DPP10: variants seen among roughly 807,000 people sequenced by gnomAD.
DPP10 encodes the protein inactive dipeptidyl peptidase 10.
Under a neutral mutation model 120.9 loss-of-function variants are expected in DPP10, and 33 were observed. That is an observed-to-expected ratio of 0.27 (90% CI 0.21 to 0.37). The LOEUF is 0.37. DPP10 is among the 10% of genes least tolerant of loss of function. The pLI is 1.00. For synonymous variants in DPP10, 337 were observed against 326.1 expected (o/e 1.03, Z -0.36); for missense variants, 816 against 942.8 (o/e 0.87, Z 1.76).
rs936976237 is a variant in DPP10, at chr2:115,843,426, T to A, written c.*1081T>A. On this transcript the variant is annotated 3_prime_UTR_variant, in exon 26 of 26. Coordinates refer to ENST00000410059, the MANE Select transcript of DPP10 (RefSeq NM_020868.6). The stretch of plus-strand genomic sequence containing the variant: ...CTTTCTCTCAGTGCAGAATCAATTC[T>A]CATTTTCATCGTAAAAGCAAATAGC... The A allele has an allele frequency of 6.6e-6, 1 of 152,576 alleles. No individual in the cohort carries two copies. The highest frequency in any genetic ancestry group is 1.5e-5 in the Non-Finnish European group (1 of 68,030). The allele number at this position is 152,576 out of a possible 1,614,324, so 9.5% of individuals were successfully genotyped here. A position where few individuals can be genotyped will look rare whatever the true frequency, so the allele number is the denominator to read the frequency against.
chr2:115,136,320 T>A (rs576193995), intron 1 of DPP10, among the ~76,000 whole-genome samples: 1 of 152,196 alleles, frequency 6.6e-6, no homozygotes, highest in Admixed American at 6.5e-5. Context: ...CGCACCTGTG[T>A]GTGTCCTGTC....
intron 5 of DPP10, among the ~76,000 whole-genome samples, chr2:115,559,961 G>C (rs988681440): frequency 3.3e-5 from 5 of 151,914 alleles, no homozygotes; most frequent in Non-Finnish European, 7.4e-5. Context: ...CTCTAACTGT[G>C]GGTACTTACA....
chr2:115,140,937 A>AC (rs938114288), intron 1 of DPP10, among the ~76,000 whole-genome samples: 2 of 151,688 alleles, frequency 1.3e-5, no homozygotes, highest in Admixed American at 6.6e-5. Context: ...AAAAAAAAAA[A>AC]AAAACTAAAG....
chr2:114,447,794 A>G (rs1678027398), intron 1 of DPP10, among the ~76,000 whole-genome samples: 1 of 152,220 alleles, frequency 6.6e-6, no homozygotes, highest in Admixed American at 6.5e-5. Flanking sequence ...GAGTCATTCT[A>G]AGCGGTGATA....
At chr2:115,457,114 C>T (rs2073617393) in intron 3 of DPP10, among the ~76,000 whole-genome samples, 1 of 151,502 alleles carries the variant, frequency 6.6e-6, no homozygotes, top group Non-Finnish European at 1.5e-5. Flanking sequence ...GAAATAAGCC[C>T]TTAGGTTTAT....
intron 1 of DPP10, among the ~76,000 whole-genome samples, chr2:115,306,622 G>A (rs1223724725): frequency 6.6e-6 from 1 of 152,066 alleles, no homozygotes; most frequent in Admixed American, 6.6e-5. Flanking sequence ...ATGGAAAGGG[G>A]AGAATTATAT....
intron 1 of DPP10, among the ~76,000 whole-genome samples, chr2:115,058,220 G>A (rs10175592): frequency 0.97 from 144,120 of 148,770 alleles, 69,977 homozygotes; most frequent in Middle Eastern, 1. Context: ...TAATTTGTCA[G>A]CCTTTCTTCT....
chr2:114,856,745 A>T (rs1415887181), intron 1 of DPP10, among the ~76,000 whole-genome samples: 1 of 152,214 alleles, frequency 6.6e-6, no homozygotes, highest in Admixed American at 6.5e-5. Flanking sequence ...GAGAGAGAGC[A>T]GGAGAGTTGC....
chr2:115,250,374 C>T (rs1381483940), intron 1 of DPP10, among the ~76,000 whole-genome samples: 1 of 152,124 alleles, frequency 6.6e-6, no homozygotes, highest in Admixed American at 6.5e-5. Context: ...GAAGTTAAAA[C>T]CTTAAAAGTT....
At chr2:115,159,985 A>T (rs12612983) in intron 1 of DPP10, among the ~76,000 whole-genome samples, 69,058 of 152,012 alleles carry the variant, frequency 0.45, 15,700 homozygotes, top group Non-Finnish European at 0.48. Flanking sequence ...GAAAGGATGA[A>T]TATACTCAAA....
chr2:115,142,135 T>C (rs2104846085), intron 1 of DPP10, among the ~76,000 whole-genome samples: 1 of 152,316 alleles, frequency 6.6e-6, no homozygotes, highest in Non-Finnish European at 1.5e-5. Flanking sequence ...GAGAATTTCC[T>C]ATTTTATATA....
intron 1 of DPP10, among the ~76,000 whole-genome samples, chr2:114,567,152 T>C (rs1689266185): frequency 6.6e-6 from 1 of 152,176 alleles, no homozygotes; most frequent in African/African-American, 2.4e-5. Flanking sequence ...CTATTCTTAG[T>C]ATTTTACTTG....
chr2:115,484,393 A>G (rs531994151), intron 3 of DPP10, among the ~76,000 whole-genome samples: 11 of 152,192 alleles, frequency 7.2e-5, no homozygotes, highest in African/African-American at 2.4e-4. Flanking sequence ...CTTCTTTCTT[A>G]ACAACCAACA....
chr2:114,518,069 ATTTTTTTTTTTTTTTT>A (rs751351962), intron 1 of DPP10, among the ~76,000 whole-genome samples: 10 of 54,140 alleles, frequency 1.8e-4, no homozygotes, highest in Admixed American at 5.2e-4. Flanking sequence ...TGAGCTATTC[ATTTTTTTTTTTTTTTT>A]TTTTTTTTTT....
chr2:115,432,974 G>T (rs1055009190), intron 3 of DPP10, among the ~76,000 whole-genome samples: 1 of 151,958 alleles, frequency 6.6e-6, no homozygotes, highest in Non-Finnish European at 1.5e-5. Context: ...AGTGATCCAA[G>T]TGCCTTGTCA....
intron 5 of DPP10, among the ~76,000 whole-genome samples, chr2:115,528,529 T>G (rs1210981634): frequency 2.0e-5 from 3 of 151,986 alleles, no homozygotes; most frequent in Non-Finnish European, 4.4e-5. Flanking sequence ...TTATCCCGGA[T>G]ACATAAAAGT....
chr2:114,467,727 CG>C (rs1230387724), intron 1 of DPP10, among the ~76,000 whole-genome samples: 3 of 152,142 alleles, frequency 2.0e-5, no homozygotes, highest in African/African-American at 7.2e-5. Flanking sequence ...TGGCCAGGCA[CG>C]GCGGCTCACG....
intron 1 of DPP10, among the ~76,000 whole-genome samples, chr2:115,133,145 GTATATATATATATA>G (rs1246180843): frequency 6.6e-4 from 19 of 28,774 alleles, no homozygotes; most frequent in African/African-American, 2.0e-3. Context: ...GTGTGTGTGT[GTATATATATATATA>G]TATATATATA....
intron 1 of DPP10, among the ~76,000 whole-genome samples, chr2:114,959,812 A>C (rs550553250): frequency 6.6e-6 from 1 of 152,308 alleles, no homozygotes; most frequent in South Asian, 2.1e-4. Flanking sequence ...CAGTTTTCTA[A>C]TTACTAGTAA....
Sources: allele counts gnomAD v4.1 joint callset (sites outside exome capture counted in the v4.1 genomes callset), GRCh38; gene constraint gnomAD v4.1.1; transcripts MANE v1.5; gene names NCBI Gene and HGNC (gene_info 2026-07-23, HGNC 2026-07-21).